Variants in NBAS observed in about 807,000 individuals in gnomAD.
The protein encoded by NBAS is NBAS subunit of NRZ tethering complex.
NBAS carries 219 observed loss-of-function variants against 302.5 expected under a neutral mutation model. That is an observed-to-expected ratio of 0.72 (90% CI 0.65 to 0.81). The LOEUF is 0.81. Among genes scored for constraint, NBAS ranks in the 30% least tolerant of loss-of-function variants. The pLI is 0.00. For synonymous variants in NBAS, 1,118 were observed against 1,021.6 expected (o/e 1.09, Z -1.80); for missense variants, 2,932 against 2,841.6 (o/e 1.03, Z -0.72).
the NBAS span, among the ~76,000 whole-genome samples, chr2:15,157,196 T>G: frequency 1.3e-5 from 2 of 152,186 alleles, no homozygotes; most frequent in African/African-American, 4.8e-5. Flanking sequence ...GGTTGCATCA[T>G]GCTCACCTCC....
At chr2:15,059,782 T>G in the NBAS span, among the ~76,000 whole-genome samples, 1 of 152,004 alleles carries the variant, frequency 6.6e-6, no homozygotes, top group Non-Finnish European at 1.5e-5. Flanking sequence ...ACTTATTCTG[T>G]GAAGCTCTGG....
chr2:15,559,562 C>T (rs1476867294), intron 1 of NBAS, among the ~76,000 whole-genome samples: 2 of 152,118 alleles, frequency 1.3e-5, no homozygotes, highest in Non-Finnish European at 2.9e-5. Flanking sequence ...TTATTTCACT[C>T]AATAAACATG....
intron 50 of NBAS, among the ~76,000 whole-genome samples, chr2:15,182,199 C>T (rs1265522768): frequency 6.6e-6 from 1 of 152,226 alleles, no homozygotes; most frequent in Non-Finnish European, 1.5e-5. Context: ...ACCTCCAGGG[C>T]ACTAGCCGTG....
At chr2:14,829,566 C>T in the NBAS span, among the ~76,000 whole-genome samples, 112 of 152,234 alleles carry the variant, frequency 7.4e-4, 1 homozygote, top group South Asian at 0.013. Context: ...TAAGATTGCA[C>T]CAAAGAGCAA....
chr2:15,208,771 T>C (rs1422270183), intron 48 of NBAS, among the ~76,000 whole-genome samples: 1 of 152,108 alleles, frequency 6.6e-6, no homozygotes, highest in Non-Finnish European at 1.5e-5. Flanking sequence ...AAACATAACA[T>C]ACCGAAACCT....
At chr2:15,504,974 C>A (rs962729774) in intron 10 of NBAS, among the ~76,000 whole-genome samples, 1 of 152,124 alleles carries the variant, frequency 6.6e-6, no homozygotes, top group Admixed American at 6.6e-5. Flanking sequence ...TAGGGATGGC[C>A]TTGATACACT....
intron 10 of NBAS, among the ~76,000 whole-genome samples, chr2:15,509,267 T>C (rs1371860700): frequency 6.6e-6 from 1 of 152,178 alleles, no homozygotes; most frequent in Non-Finnish European, 1.5e-5. Flanking sequence ...CATGCCTCTA[T>C]GTTCAGTTAT....
chr2:14,968,645 T>A, the NBAS span, among the ~76,000 whole-genome samples: 1 of 152,198 alleles, frequency 6.6e-6, no homozygotes, highest in African/African-American at 2.4e-5. Context: ...AAAACAAAAA[T>A]AAGATACCAC....
chr2:15,239,401 G>GTA (rs3085556), intron 44 of NBAS, among the ~76,000 whole-genome samples: 49,136 of 144,450 alleles, frequency 0.34, 9,704 homozygotes, highest in Non-Finnish European at 0.46. Context: ...GTGTGTGTGT[G>GTA]TATATATATA....
At chr2:15,220,177 G>T (rs1238400690) in intron 47 of NBAS, among the ~76,000 whole-genome samples, 1 of 145,326 alleles carries the variant, frequency 6.9e-6, no homozygotes, top group Non-Finnish European at 1.5e-5. Context: ...CCGGGCGGGG[G>T]GCTGACCCCC....
At chr2:15,158,254 C>T in the NBAS span, among the ~76,000 whole-genome samples, 1 of 152,180 alleles carries the variant, frequency 6.6e-6, no homozygotes, top group Admixed American at 6.5e-5. Flanking sequence ...CTGTGGGATC[C>T]CGTTGCCATG....
chr2:14,966,466 C>T, the NBAS span, among the ~76,000 whole-genome samples: 1 of 152,104 alleles, frequency 6.6e-6, no homozygotes, highest in African/African-American at 2.4e-5. Context: ...TGATCAAGTC[C>T]GTCAGTCCCC....
chr2:14,817,637 G>A, the NBAS span, among the ~76,000 whole-genome samples: 1 of 152,182 alleles, frequency 6.6e-6, no homozygotes, highest in Non-Finnish European at 1.5e-5. Flanking sequence ...ATGTTGATAG[G>A]TTGAGCTAAA....
At chr2:14,940,401 T>C in the NBAS span, among the ~76,000 whole-genome samples, 1 of 152,184 alleles carries the variant, frequency 6.6e-6, no homozygotes, top group African/African-American at 2.4e-5. Context: ...CCTTCCGCCA[T>C]GATTATAAGT....
chr2:15,034,550 G>C, the NBAS span, among the ~76,000 whole-genome samples: 1 of 152,130 alleles, frequency 6.6e-6, no homozygotes, highest in Admixed American at 6.5e-5. Flanking sequence ...GACAAGCCTT[G>C]ACAAAAAGCA....
At chr2:14,937,562 G>A in the NBAS span, among the ~76,000 whole-genome samples, 1 of 152,098 alleles carries the variant, frequency 6.6e-6, no homozygotes, top group Non-Finnish European at 1.5e-5. Flanking sequence ...TGGAGTAATG[G>A]GAATCGCTGG....
the NBAS span, among the ~76,000 whole-genome samples, chr2:14,900,862 G>A: frequency 1.3e-5 from 2 of 152,202 alleles, no homozygotes; most frequent in Non-Finnish European, 2.9e-5. Flanking sequence ...GAAAGGAGGT[G>A]ACACTGGATT....
At chr2:14,956,931 T>C in the NBAS span, among the ~76,000 whole-genome samples, 1 of 152,172 alleles carries the variant, frequency 6.6e-6, no homozygotes, top group African/African-American at 2.4e-5. Context: ...AGTGATCTTA[T>C]TTGCAGATAG....
chr2:14,866,690 G>A, the NBAS span, among the ~76,000 whole-genome samples: 3 of 152,044 alleles, frequency 2.0e-5, no homozygotes, highest in African/African-American at 7.2e-5. Flanking sequence ...GGTCAAATGA[G>A]GTTATGTGGC....
Sources: allele counts gnomAD v4.1 joint callset (sites outside exome capture counted in the v4.1 genomes callset), GRCh38; gene constraint gnomAD v4.1.1; transcripts MANE v1.5; gene names NCBI Gene and HGNC (gene_info 2026-07-23, HGNC 2026-07-21).